Variants in LAS1L observed in about 807,000 individuals in gnomAD.
The protein encoded by LAS1L is LAS1 like ribosome biogenesis factor, also known as ribosomal biogenesis protein LAS1L.
In LAS1L, 5 loss-of-function variants were observed where a neutral mutation model predicts 57.3. That is an observed-to-expected ratio of 0.09 (90% CI 0.05 to 0.18). The LOEUF is 0.18. LAS1L is among the 10% of genes least tolerant of loss of function. LAS1L has a pLI of 1.00. For synonymous variants in LAS1L, 245 were observed against 231.7 expected (o/e 1.06, Z -0.52); for missense variants, 360 against 568.3 (o/e 0.63, Z 3.73).
At chrX:65,530,366 C>T (rs1482025071) in intron 4 of LAS1L, among the ~76,000 whole-genome samples, 1 of 111,917 alleles carries the variant, frequency 8.9e-6, no homozygotes, top group Non-Finnish European at 1.9e-5. Flanking sequence ...ACTAATGAGG[C>T]ACTACCTGAG....
At position 65,528,303 on chromosome X, in the gene LAS1L, C is replaced by G; in HGVS notation, c.913G>C (p.Glu305Gln). ...CCCTTGAGCTCTGCCAGGACACATTCTACACGTGGGGACGGGTTATTCCAC... is the reference window on the plus strand; with the variant it reads ...CCCTTGAGCTCTGCCAGGACACATTGTACACGTGGGGACGGGTTATTCCAC... ...KAWNNPSPRV[E>Q]CVLAELKGVT... The change falls in exon 7 of 14, where the codon GAA (glutamate) becomes CAA (glutamine). Residue 305 changes from glutamate to glutamine, a missense_variant. Around this residue, in one of 7 missense-constraint regions of LAS1L, gnomAD observed 81 missense variants for 192.1 expected, o/e 0.42. Transcript: ENST00000374811. The G allele has an allele frequency of 1.7e-6, 2 of 1,204,402 alleles. No individual in the cohort carries two copies. Among genetic ancestry groups the G allele is most frequent in the Non-Finnish European group, 2.2e-6 (2 of 890,939 alleles).
rs1480842356 is a variant in LAS1L at position 65,518,399 on chromosome X, G to A, written c.1515C>T (p.Ser505=). 8.3e-7 allele frequency: 1 copy of A among 1,211,825 alleles called. No individual in the cohort carries two copies. The highest frequency in any genetic ancestry group is 1.7e-5 in the African/African-American group (1 of 57,963). The part of the protein sequence containing the change: ...EEQEKLLRIC[S]IYTQSGENSL... ...TGTTTTCTCCACTCTGGGTATAAAT[G>A]GAACAGATGCGCAGCAGCTTCTCCT... The change falls in exon 12 of 14, where the codon TCC becomes TCT. Residue 505 remains serine, a synonymous_variant. Coordinates refer to ENST00000374811, the MANE Select transcript of LAS1L (RefSeq NM_031206.7).
chrX:65,531,966 CT>C (rs1370044953), intron 3 of LAS1L, among the ~76,000 whole-genome samples: 1 of 112,063 alleles, frequency 8.9e-6, no homozygotes, highest in African/African-American at 3.2e-5. Context: ...CACACCTCCC[CT>C]AACCACCAAC....
At chrX:65,514,091 G>C (rs1222281261) in intron 13 of LAS1L, among the ~76,000 whole-genome samples, 3 of 112,270 alleles carry the variant, frequency 2.7e-5, no homozygotes, top group Non-Finnish European at 5.6e-5. Flanking sequence ...GAAAGACTTA[G>C]TTTCAGGGGC....
chrX:65,514,375 G>A (rs937946028), intron 13 of LAS1L, among the ~76,000 whole-genome samples: 1 of 111,035 alleles, frequency 9.0e-6, no homozygotes, highest in African/African-American at 3.3e-5. Flanking sequence ...TGCACCATTA[G>A]ACAAATCCCT....
At position 65,524,162 on chromosome X, in the gene LAS1L, T is replaced by C. The variant is rs1214703959; in HGVS notation, c.1194A>G (p.Leu398=). ...GLHSQNFTQA[L]LERMLSELPA... is the part of the protein sequence containing the mutation. ...GCAGTTCAGAGAGCATCCTCTCCAA[T>C]AGGGCCTGCGTGAAGTTCTGGGAGT... The change falls in exon 10 of 14, where the codon CTA becomes CTG. Residue 398 remains leucine, a synonymous_variant. Coordinates refer to ENST00000374811, the MANE Select transcript of LAS1L (RefSeq NM_031206.7). 1.7e-6 allele frequency: 2 copies of C among 1,210,109 alleles called. No homozygotes were observed. The highest frequency in any genetic ancestry group is 3.5e-5 in the African/African-American group (2 of 57,707).
intron 13 of LAS1L, 97 bp downstream of exon 13, chrX:65,514,726 G>A (rs2068568785): frequency 2.3e-6 from 2 of 876,887 alleles, no homozygotes. Context: ...CCCTGACTGG[G>A]GACAGCTACC....
chrX:65,517,271 G>A (rs2068675723), intron 12 of LAS1L, among the ~76,000 whole-genome samples: 1 of 97,905 alleles, frequency 1.0e-5, no homozygotes, highest in African/African-American at 4.0e-5. Flanking sequence ...TTTTTGAGAC[G>A]GAGTCTCGCT....
chrX:65,533,544 A>G, intron 2 of LAS1L, 66 bp downstream of exon 2: 1 of 1,143,063 alleles, frequency 8.7e-7, no homozygotes, highest in East Asian at 3.0e-5. Flanking sequence ...AGTTTTGCTT[A>G]TCACATGCCT....
At chrX:65,532,762 C>T in intron 2 of LAS1L, 132 bp from the exon 3 acceptor site, 1 of 490,880 alleles carries the variant, frequency 2.0e-6, no homozygotes, top group Non-Finnish European at 3.7e-6. Context: ...GCTGGTGTGT[C>T]AGCCAGAGCA....
Position 65,534,566 on chromosome X carries a change from C to T in LAS1L, c.150G>A (p.Glu50=), listed in dbSNP as rs1443785468. The change falls in exon 1 of 14, where the codon GAG becomes GAA. Residue 50 remains glutamate (E), a synonymous_variant. Transcript: ENST00000374811. ...ACAGATAAACCGTCACCTGGTCCCA[C>T]TCGGCCCTGCTGAGCCAGGCGACCA... ...GIVVAWLSRA[E]WDQVTVYLFC... 2.5e-6 allele frequency: 3 copies of T among 1,208,246 alleles called. No homozygotes were observed. In the South Asian group the frequency reaches 5.3e-5, roughly 21 times the overall value.
At chrX:65,530,496 T>C (rs1000298476) in intron 4 of LAS1L, among the ~76,000 whole-genome samples, 1 of 110,292 alleles carries the variant, frequency 9.1e-6, no homozygotes, top group African/African-American at 3.3e-5. Flanking sequence ...CTGTGCAACA[T>C]GATGAAGCCC....
chrX:65,525,084 T>A (rs1199203284), intron 7 of LAS1L, 34 bp from the exon 8 acceptor site: 1 of 1,111,717 alleles, frequency 9.0e-7, no homozygotes, highest in African/African-American at 1.8e-5. Flanking sequence ...AGCAAAGTGA[T>A]GCTGGCAGAA....
At chrX:65,532,828 T>C (rs1602659069) in intron 2 of LAS1L, among the ~76,000 whole-genome samples, 198 bp from the exon 3 acceptor site, 1 of 112,071 alleles carries the variant, frequency 8.9e-6, no homozygotes, top group Non-Finnish European at 1.9e-5. Flanking sequence ...AATGAAGCCA[T>C]ACAGATGAAT....
intron 12 of LAS1L, among the ~76,000 whole-genome samples, chrX:65,516,555 C>G (rs2068634691): frequency 9.2e-6 from 1 of 109,197 alleles, no homozygotes; most frequent in African/African-American, 3.3e-5. Flanking sequence ...TGGATTTCAG[C>G]AACCCTGCCT....
intron 13 of LAS1L, among the ~76,000 whole-genome samples, chrX:65,514,286 T>G (rs936499856): frequency 6.3e-5 from 7 of 110,921 alleles, no homozygotes; most frequent in Non-Finnish European, 9.5e-5. Context: ...AGGCGAGTTT[T>G]GAGGGAGAGC....
chrX:65,534,227 G>A (rs1423561236), intron 1 of LAS1L, among the ~76,000 whole-genome samples: 1 of 112,323 alleles, frequency 8.9e-6, no homozygotes, highest in Non-Finnish European at 1.9e-5. Flanking sequence ...TTGGGAGAAA[G>A]TCACTTTTTG....
rs1569443996 is a variant in LAS1L at position 65,532,587 on chromosome X, C to T, written c.406G>A (p.Val136Ile). 1 of 1,209,182 alleles carries T rather than the reference C, an allele frequency of 8.3e-7. No homozygotes were observed. Among genetic ancestry groups the T allele is most frequent in the South Asian group, 1.8e-5 (1 of 56,930 alleles). Residue 136 changes from valine to isoleucine, a missense_variant, in exon 3 of 14, where the codon GTC becomes ATC. Val to Ile is a conservative substitution (Grantham distance 29). This residue lies in a region of LAS1L where 43 missense variants were observed against 78.0 expected (regional missense o/e 0.55). Coordinates refer to ENST00000374811, the MANE Select transcript of LAS1L (RefSeq NM_031206.7). ...ISERKTKFAKVPLKCLAQEVN... is the reference protein window; with the variant it reads ...ISERKTKFAKIPLKCLAQEVN... ...TCTTGAGCCAGACACTTGAGGGGGA[C>T]CTTGGCAAACTTTGTCTTCCTCTCT... is the stretch of plus-strand genomic sequence containing the variant.
At position 65,529,603 on chromosome X, in the gene LAS1L, C is replaced by T. The variant is rs1390988916; in HGVS notation, c.790G>A (p.Glu264Lys). The T allele has an allele frequency of 1.7e-6, 2 of 1,211,277 alleles. No homozygotes were observed. The highest frequency in any genetic ancestry group is 3.5e-5 in the South Asian group (2 of 56,898). The part of the protein sequence containing the change: ...SHCKKALSHK[E>K]LYERARELLV... Reference sequence around the variant, plus strand: ...CCTCCAAAACACCTACCATATAGCTCTTTATGACTCAGGGCCTTTTTGCAA... The same window carrying T: ...CCTCCAAAACACCTACCATATAGCTTTTTATGACTCAGGGCCTTTTTGCAA... The change falls in exon 5 of 14, where the codon GAG (glutamate) becomes AAG (lysine). Residue 264 changes from glutamate (E) to lysine (K), a missense_variant. Physicochemically the swap from Glu to Lys is moderately conservative, Grantham distance 56 (BLOSUM62 1). Coordinates refer to ENST00000374811, the MANE Select transcript of LAS1L (RefSeq NM_031206.7).
Sources: allele counts gnomAD v4.1 joint callset (sites outside exome capture counted in the v4.1 genomes callset), GRCh38; gene constraint gnomAD v4.1.1; regional missense constraint gnomAD v4.1.1; transcripts MANE v1.5; gene names NCBI Gene and HGNC (gene_info 2026-07-23, HGNC 2026-07-21).